BTLA: variants seen among roughly 807,000 people sequenced by gnomAD.
BTLA encodes B and T lymphocyte associated, also known as B- and T-lymphocyte attenuator.
A neutral mutation model predicts 25.0 loss-of-function variants in BTLA; 11 were observed. The ratio of observed to expected loss-of-function variants is 0.44; its 90% confidence interval spans 0.28 to 0.73. The LOEUF is 0.73. Among genes scored for constraint, BTLA ranks in the 30% least tolerant of loss-of-function variants. The pLI is 0.15. For synonymous variants in BTLA, 104 were observed against 119.8 expected (o/e 0.87, Z 0.86); for missense variants, 282 against 332.8 (o/e 0.85, Z 1.19).
chr3:112,499,494 G>C (rs2082430577), upstream of BTLA: 2 of 624,782 alleles, frequency 3.2e-6, no homozygotes, highest in Non-Finnish European at 5.4e-6. Context: ...AAAAAGAAGA[G>C]AGAGGTGGTA....
intron 2 of BTLA, among the ~76,000 whole-genome samples, chr3:112,475,380 T>G (rs559128644): frequency 4.6e-5 from 7 of 152,344 alleles, no homozygotes; most frequent in African/African-American, 1.7e-4. Context: ...TCACATACTT[T>G]GTTCCATAAA....
intron 1 of BTLA, among the ~76,000 whole-genome samples, chr3:112,489,176 C>T (rs908496835): frequency 3.3e-5 from 5 of 152,250 alleles, no homozygotes; most frequent in South Asian, 4.1e-4. Flanking sequence ...TATGTCCACT[C>T]AGGGGTGGAT....
intron 4 of BTLA, 109 bp downstream of exon 4, chr3:112,469,649 A>C (rs567442604): frequency 4.2e-6 from 2 of 471,096 alleles, no homozygotes; most frequent in Non-Finnish European, 3.6e-6. Context: ...ATATATATAT[A>C]GTACATAGAA....
At chr3:112,468,344 A>G (rs746072484) in intron 4 of BTLA, among the ~76,000 whole-genome samples, 1 of 152,156 alleles carries the variant, frequency 6.6e-6, no homozygotes, top group African/African-American at 2.4e-5. Context: ...TGTTTATACC[A>G]GTTCCTTTCT....
At chr3:112,483,689 C>T (rs755507286) in intron 1 of BTLA, among the ~76,000 whole-genome samples, 45 of 151,732 alleles carry the variant, frequency 3.0e-4, no homozygotes, top group Non-Finnish European at 5.7e-4. Context: ...CAAACAAGGC[C>T]GGGCATGGTG....
chr3:112,476,252 C>T (rs2082288231), intron 2 of BTLA, among the ~76,000 whole-genome samples: 1 of 152,142 alleles, frequency 6.6e-6, no homozygotes, highest in Non-Finnish European at 1.5e-5. Context: ...ACTCTGCCAT[C>T]GATTTCTTCT....
chr3:112,483,460 C>A (rs927839556), intron 1 of BTLA, among the ~76,000 whole-genome samples: 1 of 151,530 alleles, frequency 6.6e-6, no homozygotes, highest in Non-Finnish European at 1.5e-5. Context: ...AATCAATTTA[C>A]CTTCTAGACA....
chr3:112,483,071 C>G (rs2082325797), intron 1 of BTLA, among the ~76,000 whole-genome samples: 1 of 150,006 alleles, frequency 6.7e-6, no homozygotes, highest in Non-Finnish European at 1.5e-5. Context: ...AGACAAAGAT[C>G]TTTTACCCTC....
chr3:112,480,740 T>C (rs1014145769), intron 1 of BTLA, among the ~76,000 whole-genome samples: 1 of 152,172 alleles, frequency 6.6e-6, no homozygotes, highest in Non-Finnish European at 1.5e-5. Context: ...ACTGTTACAA[T>C]AGCAATAAAA....
Position 112,499,428 on chromosome 3 carries a change from G to T in BTLA, c.-70C>A. ...TTTGCTTCGTCTTCTGAGTGCTGCAGAGTTGGGTCAGTTTACCTACCCCAG... is the reference window on the plus strand; with the variant it reads ...TTTGCTTCGTCTTCTGAGTGCTGCATAGTTGGGTCAGTTTACCTACCCCAG... On this transcript the variant is annotated 5_prime_UTR_variant, in exon 1 of 5. The change creates a new upstream start codon in the 5' untranslated region. Transcript: ENST00000334529. The T allele has an allele frequency of 7.4e-7, 1 of 1,342,722 alleles. No individual in the cohort carries two copies. The highest frequency in any genetic ancestry group is 1.0e-6 in the Non-Finnish European group (1 of 969,748). 83.2% of individuals were successfully genotyped at this position (1,342,722 alleles called of 1,614,324 possible).
At position 112,495,420 on chromosome 3, in the gene BTLA, A is replaced by T. The variant is rs1178150137; in HGVS notation, c.88+3851T>A. Among the ~76,000 whole-genome samples the T allele has an allele frequency of 2.6e-5, 4 of 152,258 alleles. No homozygotes were observed. The East Asian group carries it at 7.7e-4, about 29-fold the overall frequency. On this transcript the variant is annotated intron_variant, in intron 1 of 4. Transcript: ENST00000334529. ...TTAAGTAGGAAAGTCCCAATGAGGC[A>T]AGATAAATAGTTTTGACGTCAACTT...
In BTLA at chr3:112,489,661, A is replaced by G. The variant is rs546451358; in HGVS notation, c.88+9610T>C. 2.0e-5 allele frequency among the ~76,000 whole-genome samples: 3 copies of G among 152,336 alleles called. No individual in the cohort carries two copies. The South Asian group carries it at 6.2e-4, about 32-fold the overall frequency. ...AAAATGATTACTAACGGTATAATAA[A>G]CCAATAATTTTCTGTGACATCAACC... On this transcript the variant is annotated intron_variant, in intron 1 of 4. Coordinates refer to ENST00000334529, the MANE Select transcript of BTLA (RefSeq NM_181780.4).
chr3:112,471,071 G>A (rs2082259542), intron 3 of BTLA, 141 bp downstream of exon 3: 1 of 1,182,748 alleles, frequency 8.5e-7, no homozygotes, highest in African/African-American at 1.6e-5. Flanking sequence ...GCAAATATGA[G>A]TTGTCTTCTA....
At chr3:112,469,627 A>AG (rs1553730233) in intron 4 of BTLA, 131 bp downstream of exon 4, 44 of 33,972 alleles carry the variant, frequency 1.3e-3, no homozygotes, top group Middle Eastern at 0.014. Context: ...ATATATATAT[A>AG]TATATATATA....
chr3:112,466,291 G>T lies in BTLA; in HGVS notation c.687C>A (p.Asp229Glu). 1.2e-6 allele frequency: 2 copies of T among 1,613,972 alleles called. No individual in the cohort carries two copies. The highest frequency in any genetic ancestry group is 8.5e-7 in the Non-Finnish European group (1 of 1,179,948). Residue 229 changes from aspartate (D) to glutamate (E), a missense_variant, in exon 5 of 5, where the codon GAC becomes GAA. This residue lies in a region of BTLA where 119 missense variants were observed against 102.3 expected (regional missense o/e 1.16). Transcript: ENST00000334529. Reference sequence around the variant, plus strand: ...CCTGCATCCTGAAACAAAGGTCAGGGTCATTATCATAAATTCCAGTTTCTG... The same window carrying T: ...CCTGCATCCTGAAACAAAGGTCAGGTTCATTATCATAAATTCCAGTTTCTG... ...LLSETGIYDNDPDLCFRMQEG... is the reference protein window; with the variant it reads ...LLSETGIYDNEPDLCFRMQEG...
At chr3:112,494,156 A>G (rs1466930071) in intron 1 of BTLA, among the ~76,000 whole-genome samples, 1 of 152,184 alleles carries the variant, frequency 6.6e-6, no homozygotes, top group Non-Finnish European at 1.5e-5. Context: ...ATAAGAATAA[A>G]AGCTCAACAT....
intron 1 of BTLA, among the ~76,000 whole-genome samples, chr3:112,487,410 C>T (rs1255898097): frequency 3.3e-5 from 5 of 152,080 alleles, no homozygotes; most frequent in African/African-American, 1.2e-4. Context: ...CATGGAGAAA[C>T]CCTGTCTCTA....
chr3:112,484,630 G>A (rs1248590871), intron 1 of BTLA, among the ~76,000 whole-genome samples: 1 of 152,110 alleles, frequency 6.6e-6, no homozygotes, highest in Non-Finnish European at 1.5e-5. Flanking sequence ...TTAGCCATAG[G>A]GCTATCACTT....
chr3:112,466,109 T>G lies in BTLA; in HGVS notation c.869A>C (p.Ter290SerextTer4). ...TCCCTGTTGGAGTCAGAAACAGACT[T>G]AACTCCTCACACATATGGATGCATA... is the stretch of plus-strand genomic sequence containing the variant. ...TEYASICVRS[*>S] Residue 290 changes from the stop codon to serine, a stop_lost, in exon 5 of 5, where the codon TAA (stop) becomes TCA (serine). Transcript: ENST00000334529. 1 of 1,584,596 alleles carries G rather than the reference T, an allele frequency of 6.3e-7. No individual in the cohort carries two copies. The highest frequency in any genetic ancestry group is 8.6e-7 in the Non-Finnish European group (1 of 1,158,256).
Sources: gnomAD v4.1 joint callset for allele counts (sites outside exome capture counted in the v4.1 genomes callset) on GRCh38, gnomAD v4.1.1 for gene constraint, gnomAD v4.1.1 regional missense constraint, MANE v1.5 for transcripts, NCBI Gene and HGNC (gene_info 2026-07-23, HGNC 2026-07-21) for gene names.